Variants in FGFR2 observed in about 807,000 individuals in gnomAD.
FGFR2 encodes the protein BEK fibroblast growth factor receptor.
FGFR2 carries 19 observed loss-of-function variants against 95.9 expected under a neutral mutation model. The observed-to-expected ratio is 0.20, with a 90% CI of 0.14 to 0.29. FGFR2 has a LOEUF of 0.29. FGFR2 is among the 10% of genes least tolerant of loss of function. The pLI is 1.00. For synonymous variants in FGFR2, 392 were observed against 393.3 expected, an observed-to-expected ratio of 1.00 and a Z score of 0.04; for missense variants, 707 against 1,056.9, an observed-to-expected ratio of 0.67 and a Z score of 4.59.
At chr10:121,507,529 G>A (rs760570020) in intron 9 of FGFR2, among the ~76,000 whole-genome samples, 9 of 152,188 alleles carry the variant, frequency 5.9e-5, no homozygotes, top group South Asian at 2.1e-4. Flanking sequence ...CAGAGGTTGC[G>A]GTGAGCCGAG....
intron 5 of FGFR2, among the ~76,000 whole-genome samples, chr10:121,550,092 G>A (rs1276695088): frequency 6.6e-6 from 1 of 152,104 alleles, no homozygotes; most frequent in East Asian, 1.9e-4. Context: ...TAAATAATTT[G>A]GAAATTCCAT....
Position 121,531,651 on chromosome 10 carries a change from A to C in FGFR2, c.748+6941T>G, listed in dbSNP as rs1852091262. Among the ~76,000 whole-genome samples the C allele has an allele frequency of 6.6e-6, 1 of 152,112 alleles. No homozygotes were observed. Among genetic ancestry groups the C allele is most frequent in the African/African-American group, 2.4e-5 (1 of 41,416 alleles). On this transcript the variant is annotated intron_variant, in intron 6 of 17. Transcript: ENST00000358487. This position sits in a 1 kb window ranked among gnomAD's most constrained non-coding sequence, Gnocchi z 4.5. ...TCCTCCTCCCCATAGTGCTACAAGGAAACAGTCATCACCCCATTTTACAGG... is the reference window on the plus strand; with the variant it reads ...TCCTCCTCCCCATAGTGCTACAAGGCAACAGTCATCACCCCATTTTACAGG...
chr10:121,556,299 C>T (rs1421657047), intron 4 of FGFR2, among the ~76,000 whole-genome samples: 1 of 151,912 alleles, frequency 6.6e-6, no homozygotes, highest in African/African-American at 2.4e-5. Context: ...TTCTTTTGAC[C>T]CTGCAATTTA....
At chr10:121,513,107 C>T (rs965098987) in intron 9 of FGFR2, among the ~76,000 whole-genome samples, 6 of 152,146 alleles carry the variant, frequency 3.9e-5, no homozygotes, top group Admixed American at 2.6e-4. Context: ...CTCCTGACCT[C>T]GGGTGATCCA....
At chr10:121,593,157 T>C (rs548340223) in intron 2 of FGFR2, among the ~76,000 whole-genome samples, 12 of 152,340 alleles carry the variant, frequency 7.9e-5, no homozygotes, top group East Asian at 5.8e-4. Context: ...TCTGCCACTC[T>C]GTGATGATGC....
chr10:121,560,531 C>T (rs187586724), intron 4 of FGFR2, among the ~76,000 whole-genome samples: 1,851 of 139,284 alleles, frequency 0.013, 45 homozygotes, highest in African/African-American at 0.046. Context: ...AGGAGAATGG[C>T]GTGAACCCGG....
intron 2 of FGFR2, among the ~76,000 whole-genome samples, chr10:121,571,181 C>A (rs1002358843): frequency 4.0e-5 from 6 of 149,788 alleles, no homozygotes; most frequent in Non-Finnish European, 7.4e-5. Context: ...TTAGTAGAGA[C>A]GGGGTGGGTT....
intron 15 of FGFR2, among the ~76,000 whole-genome samples, chr10:121,486,574 G>A (rs1845431010): frequency 6.6e-6 from 1 of 152,122 alleles, no homozygotes; most frequent in Admixed American, 6.5e-5. Flanking sequence ...CCCAAGTAGT[G>A]GAGATTACAG....
Position 121,598,055 on chromosome 10 carries a change from A to C in FGFR2, c.-244T>G. Reference sequence around the variant, plus strand: ...CGACGAGCCCGGGGTTGCGGGGAGCAACTCCAAACGCAGAAGAGTGGTCCT... The same window carrying C: ...CGACGAGCCCGGGGTTGCGGGGAGCCACTCCAAACGCAGAAGAGTGGTCCT... On this transcript the variant is annotated 5_prime_UTR_variant, in exon 1 of 18. Coordinates refer to ENST00000358487, the MANE Select transcript of FGFR2 (RefSeq NM_000141.5). 1 of 398,030 alleles carries C rather than the reference A, an allele frequency of 2.5e-6. No homozygotes were observed. Among genetic ancestry groups the C allele is most frequent in the Non-Finnish European group, 4.4e-6 (1 of 225,710 alleles). The allele number at this position is 398,030 out of a possible 1,614,324, so 24.7% of individuals were successfully genotyped here.
chr10:121,482,088 C>T (rs1589701691), intron 17 of FGFR2: 6 of 1,184,142 alleles, frequency 5.1e-6, no homozygotes, highest in East Asian at 2.4e-5. Flanking sequence ...CCGCCTGCCT[C>T]GGCCTCCCAA....
chr10:121,597,342 G>A (rs1262718607), intron 1 of FGFR2, among the ~76,000 whole-genome samples: 1 of 152,166 alleles, frequency 6.6e-6, no homozygotes, highest in Non-Finnish European at 1.5e-5. Context: ...GAAAAAGTCG[G>A]TCCAGTTCGC....
chr10:121,563,572 T>C (rs1235474020), intron 4 of FGFR2, among the ~76,000 whole-genome samples: 1 of 152,176 alleles, frequency 6.6e-6, no homozygotes, highest in Non-Finnish European at 1.5e-5. Flanking sequence ...TAATGCTATA[T>C]TGTATTTTGT....
intron 9 of FGFR2, among the ~76,000 whole-genome samples, chr10:121,504,282 A>G (rs944032517): frequency 2.0e-5 from 3 of 151,376 alleles, no homozygotes. Flanking sequence ...TAGTGCCTTT[A>G]TGGTTGTACC....
chr10:121,502,000 G>A (rs1185646525), intron 10 of FGFR2, among the ~76,000 whole-genome samples: 10 of 152,088 alleles, frequency 6.6e-5, no homozygotes, highest in Admixed American at 5.2e-4. Context: ...TTCCACCTAC[G>A]TTTGCGCTAA....
intron 2 of FGFR2, among the ~76,000 whole-genome samples, chr10:121,582,427 T>C (rs570500619): frequency 1.1e-4 from 17 of 152,316 alleles, no homozygotes; most frequent in African/African-American, 3.1e-4. Flanking sequence ...CCATCTTGCC[T>C]CTGCCAAGCT....
rs536305295 is a variant in FGFR2, at chr10:121,515,422, C to T, written c.1085-103G>A. ...AACCAAAGGAACCAAAAGGCGACGA[C>T]CATTCTCAAGGCAAGGTGGGCTTCC... On this transcript the variant is annotated intron_variant, in intron 8 of 17. Coordinates refer to ENST00000358487, the MANE Select transcript of FGFR2 (RefSeq NM_000141.5). 3.5e-5 allele frequency: 43 copies of T among 1,211,352 alleles called. 1 individual carries two copies. In the South Asian group the frequency reaches 4.8e-4, roughly 14 times the overall value. The allele number at this position is 1,211,352 out of a possible 1,614,324, so 75.0% of individuals were successfully genotyped here.
chr10:121,595,053 T>C (rs1863218719), intron 1 of FGFR2, among the ~76,000 whole-genome samples: 1 of 152,172 alleles, frequency 6.6e-6, no homozygotes, highest in Non-Finnish European at 1.5e-5. Context: ...GCACAAACTT[T>C]AGAGAATGAT....
intron 5 of FGFR2, among the ~76,000 whole-genome samples, chr10:121,550,360 G>A (rs981759946): frequency 2.6e-5 from 4 of 152,192 alleles, no homozygotes; most frequent in African/African-American, 9.7e-5. Flanking sequence ...CAGAGCCCAG[G>A]AGTGTGCCTG....
intron 2 of FGFR2, among the ~76,000 whole-genome samples, chr10:121,583,790 A>C (rs1410380109): frequency 6.6e-6 from 1 of 151,948 alleles, no homozygotes; most frequent in Non-Finnish European, 1.5e-5. Flanking sequence ...CTCAGGAAGA[A>C]GGGAAATTTT....
Sources: gnomAD v4.1 joint callset for allele counts (sites outside exome capture counted in the v4.1 genomes callset) on GRCh38, gnomAD v4.1.1 for gene constraint, Gnocchi (gnomAD v3.1) non-coding constraint, MANE v1.5 for transcripts, NCBI Gene and HGNC (gene_info 2026-07-23, HGNC 2026-07-21) for gene names.